CDH22: variants seen among roughly 807,000 people sequenced by gnomAD.
CDH22 encodes cadherin 22.
In CDH22, 30 loss-of-function variants were observed where a neutral mutation model predicts 58.4. The observed-to-expected ratio is 0.51, with a 90% CI of 0.38 to 0.70. The LOEUF (loss-of-function observed/expected upper bound fraction) is 0.70. Ranked by LOEUF, CDH22 falls within the 30% of genes least tolerant of loss-of-function variation. The pLI, the probability that CDH22 is intolerant of heterozygous loss-of-function variation, is 0.00. For synonymous variants in CDH22, 513 were observed against 558.2 expected, an observed-to-expected ratio of 0.92 and a Z score of 1.14; for missense variants, 1,014 against 1,233.9, an observed-to-expected ratio of 0.82 and a Z score of 2.67.
At chr20:46,231,005 G>A (rs376851860) in intron 3 of CDH22, among the ~76,000 whole-genome samples, 23 of 152,300 alleles carry the variant, frequency 1.5e-4, no homozygotes, top group African/African-American at 2.6e-4. Flanking sequence ...GAGAGAGGGA[G>A]GACTCAGACA....
At chr20:46,230,151 G>C (rs1033644561) in intron 3 of CDH22, among the ~76,000 whole-genome samples, 3 of 152,094 alleles carry the variant, frequency 2.0e-5, no homozygotes, top group African/African-American at 7.2e-5. Flanking sequence ...ACAAAAGGGT[G>C]CCAGGCTTGT....
intron 2 of CDH22, among the ~76,000 whole-genome samples, chr20:46,250,688 A>C (rs1006780547): frequency 1.3e-5 from 2 of 152,214 alleles, no homozygotes; most frequent in South Asian, 4.1e-4. Flanking sequence ...ACCCCAGTGC[A>C]TAGGGAGCTG....
chr20:46,181,273 T>C (rs1416753708), intron 10 of CDH22, among the ~76,000 whole-genome samples: 1 of 151,990 alleles, frequency 6.6e-6, no homozygotes, highest in East Asian at 1.9e-4. Context: ...GAAGGAAGAA[T>C]ATAGGAAGAG....
Position 46,186,681 on chromosome 20 carries a change from C to T in CDH22, c.1570G>A (p.Asp524Asn). The T allele has an allele frequency of 2.5e-6, 4 of 1,613,870 alleles. No individual in the cohort carries two copies. Among genetic ancestry groups the T allele is most frequent in the Non-Finnish European group, 3.4e-6 (4 of 1,179,936 alleles). The change falls in exon 10 of 12, where the codon GAC (aspartate) becomes AAC (asparagine). Residue 524 changes from aspartate (D) to asparagine (N), a missense_variant. Coordinates refer to ENST00000537909, the MANE Select transcript of CDH22 (RefSeq NM_021248.3). ...TGCCCGCCTTGGGGCTCGTCTCTGT[C>T]CACCACGCTGATGGTCTGGATGAGC... ...GQLIQTISVV[D>N]RDEPQGGHRF...
At chr20:46,206,411 G>GA (rs2086002335) in intron 7 of CDH22, among the ~76,000 whole-genome samples, 1 of 152,180 alleles carries the variant, frequency 6.6e-6, no homozygotes, top group East Asian at 1.9e-4. Flanking sequence ...CAGATGCTAA[G>GA]AAAAAATCTC....
intron 1 of CDH22, among the ~76,000 whole-genome samples, chr20:46,265,409 G>A (rs888870045): frequency 5.9e-5 from 9 of 152,022 alleles, no homozygotes; most frequent in Non-Finnish European, 1.0e-4. Flanking sequence ...ATAGTTTAAC[G>A]AAAAGTCATA....
At chr20:46,295,796 T>C (rs1012978758) in intron 1 of CDH22, among the ~76,000 whole-genome samples, 4 of 152,224 alleles carry the variant, frequency 2.6e-5, no homozygotes, top group Admixed American at 1.3e-4. Flanking sequence ...AGGGTCTCGC[T>C]CTGTCACCCA....
chr20:46,250,979 A>G, intron 2 of CDH22, 61 bp downstream of exon 2: 2 of 999,788 alleles, frequency 2.0e-6, no homozygotes, highest in Non-Finnish European at 3.2e-6. Context: ...GGTTTCTTGT[A>G]TCTACCCGTG....
intron 1 of CDH22, among the ~76,000 whole-genome samples, chr20:46,297,245 C>G (rs992531069): frequency 3.3e-5 from 5 of 151,958 alleles, no homozygotes; most frequent in Non-Finnish European, 4.4e-5. Flanking sequence ...AGTAGGGATG[C>G]GGGCTCCTTG....
Position 46,241,152 on chromosome 20 carries a change from C to T in CDH22, c.361G>A (p.Ala121Thr). The T allele has an allele frequency of 6.2e-7, 1 of 1,614,200 alleles. No homozygotes were observed. ...LIDELTGDIH[A>T]MERLDREQKT... ...TGCTCGCGGTCCAGGCGCTCCATGG[C>T]ATGAATGTCGCCTGTCAGCTCGTCG... Residue 121 changes from alanine (A) to threonine (T), a missense_variant, in exon 3 of 12, where the codon GCC becomes ACC. Physicochemically the swap from Ala to Thr is moderately conservative, Grantham distance 58 (BLOSUM62 0). Around this residue, in one of 2 missense-constraint regions of CDH22, gnomAD observed 806 missense variants for 1,038.7 expected, o/e 0.78. Transcript: ENST00000537909. The surrounding 1 kb of genome is among the most constrained non-coding windows in gnomAD (Gnocchi z 5.2).
chr20:46,193,023 G>T (rs1176383344), intron 8 of CDH22, among the ~76,000 whole-genome samples: 1 of 152,036 alleles, frequency 6.6e-6, no homozygotes, highest in African/African-American at 2.4e-5. Context: ...TGACCTTATT[G>T]GGGGGACGTT....
At chr20:46,269,146 C>A (rs544416897) in intron 1 of CDH22, among the ~76,000 whole-genome samples, 6 of 152,242 alleles carry the variant, frequency 3.9e-5, no homozygotes, top group African/African-American at 7.2e-5. Flanking sequence ...CTTCTGCAAA[C>A]TGATCTTTCA....
chr20:46,187,415 ACCATCACCACTG>A, intron 8 of CDH22, among the ~76,000 whole-genome samples: 1 of 152,114 alleles, frequency 6.6e-6, no homozygotes, highest in Middle Eastern at 3.4e-3. Context: ...TTATACTGTT[ACCATCACCACTG>A]CCATCACCAC....
At chr20:46,227,713 G>A in intron 3 of CDH22, 86 bp from the exon 4 acceptor site, 2 of 1,513,292 alleles carry the variant, frequency 1.3e-6, no homozygotes, top group Admixed American at 4.0e-5. Flanking sequence ...GGGAAGCTGG[G>A]AGAGGAGACC....
Position 46,177,997 on chromosome 20 carries a change from G to A in CDH22, c.1864C>T (p.Leu622Phe), listed in dbSNP as rs2085752988. 5 of 1,613,978 alleles carry A rather than the reference G, an allele frequency of 3.1e-6. No homozygotes were observed. The African/African-American group carries it at 5.3e-5, about 17-fold the overall frequency. The change falls in exon 11 of 12, where the codon CTC (leucine) becomes TTC (phenylalanine). Residue 622 changes from leucine to phenylalanine, a missense_variant. Physicochemically the swap from Leu to Phe is conservative, Grantham distance 22. Around this residue, in one of 2 missense-constraint regions of CDH22, gnomAD observed 806 missense variants for 1,038.7 expected, o/e 0.78. Coordinates refer to ENST00000537909, the MANE Select transcript of CDH22 (RefSeq NM_021248.3). ...AGGGCGATGAGGGCGCCGGGGCTGA[G>A]GGAGGCGGCCATGACAAAGGCCGTG... is the stretch of plus-strand genomic sequence containing the variant. ...NTTAFVMAASLSPGALIALLV... is the reference protein window; with the variant it reads ...NTTAFVMAASFSPGALIALLV...
chr20:46,181,832 C>G (rs1258564534), intron 10 of CDH22, among the ~76,000 whole-genome samples: 1 of 141,024 alleles, frequency 7.1e-6, no homozygotes, highest in Non-Finnish European at 1.5e-5. Flanking sequence ...TTCCTTTCTT[C>G]CTTTCACAGA....
chr20:46,232,458 G>A (rs150460945), intron 3 of CDH22, among the ~76,000 whole-genome samples: 1 of 152,248 alleles, frequency 6.6e-6, no homozygotes, highest in East Asian at 1.9e-4. Flanking sequence ...ATGAGAGAAA[G>A]AGATGAAGCA....
At chr20:46,275,729 G>A (rs1374223688) in intron 1 of CDH22, among the ~76,000 whole-genome samples, 1 of 151,904 alleles carries the variant, frequency 6.6e-6, no homozygotes, top group Admixed American at 6.6e-5. Flanking sequence ...CTTCAGAAGC[G>A]CATTGAATGA....
intron 2 of CDH22, among the ~76,000 whole-genome samples, chr20:46,248,901 T>C (rs1056716916): frequency 1.3e-5 from 2 of 152,212 alleles, no homozygotes; most frequent in African/African-American, 4.8e-5. Context: ...TCGCCCACTC[T>C]ATGACTTTGC....
Sources: gnomAD v4.1 joint callset for allele counts (sites outside exome capture counted in the v4.1 genomes callset) on GRCh38, gnomAD v4.1.1 for gene constraint, gnomAD v4.1.1 regional missense constraint, Gnocchi (gnomAD v3.1) non-coding constraint, MANE v1.5 for transcripts, NCBI Gene and HGNC (gene_info 2026-07-23, HGNC 2026-07-21) for gene names.